The following NDFIP2 variants were observed in gnomAD, a reference collection of about 807,000 sequenced individuals.
The protein encoded by NDFIP2 is Nedd4 family interacting protein 2.
Under a neutral mutation model 36.0 loss-of-function variants are expected in NDFIP2, and 19 were observed. The ratio of observed to expected loss-of-function variants is 0.53; its 90% CI spans 0.37 to 0.77. NDFIP2 has a LOEUF of 0.77. NDFIP2 is among the 30% of genes least tolerant of loss of function. NDFIP2 has a pLI of 0.00. For synonymous variants in NDFIP2, 181 were observed against 167.7 expected (o/e 1.08, Z -0.61); for missense variants, 446 against 435.8 (o/e 1.02, Z -0.21).
At chr13:79,518,878 G>A (rs1475201192) in intron 1 of NDFIP2, 3 of 152,000 alleles carry the variant, frequency 2.0e-5, no homozygotes, top group Non-Finnish European at 2.9e-5. Flanking sequence ...GCGTGGTCAC[G>A]GCTCACTGCA....
intron 1 of NDFIP2, among the ~76,000 whole-genome samples, chr13:79,513,116 C>G (rs1003338111): frequency 2.0e-5 from 3 of 152,094 alleles, no homozygotes; most frequent in African/African-American, 7.2e-5. Flanking sequence ...GTATCCTGCC[C>G]AGGAGGAGAG....
Position 79,556,062 on chromosome 13 carries a change from A to G in NDFIP2, c.*3549A>G, listed in dbSNP as rs905175584. 5.3e-5 allele frequency: 8 copies of G among 152,158 alleles called. No homozygotes were observed. Among genetic ancestry groups the G allele is most frequent in the African/African-American group, 1.9e-4 (8 of 41,448 alleles). The allele number at this position is 152,158 out of a possible 1,614,324, so 9.4% of individuals were successfully genotyped here. Reference sequence around the variant, plus strand: ...GTTTAATTTTAATAAACAAAATATCATCTTTTTGAAAATAATTTATGTTCA... The same window carrying G: ...GTTTAATTTTAATAAACAAAATATCGTCTTTTTGAAAATAATTTATGTTCA... On this transcript the variant is annotated 3_prime_UTR_variant, in exon 8 of 8. Coordinates refer to ENST00000218652, the MANE Select transcript of NDFIP2 (RefSeq NM_019080.3).
chr13:79,544,938 A>T (rs1429332848), intron 5 of NDFIP2, among the ~76,000 whole-genome samples: 2 of 152,134 alleles, frequency 1.3e-5, no homozygotes, highest in African/African-American at 4.8e-5. Context: ...CATCATTAGA[A>T]CTATCCCCTG....
intron 2 of NDFIP2, among the ~76,000 whole-genome samples, chr13:79,528,329 T>G (rs1205674912): frequency 6.6e-6 from 1 of 152,148 alleles, no homozygotes. Context: ...GAAAATATTT[T>G]TGTACACTGT....
intron 1 of NDFIP2, among the ~76,000 whole-genome samples, chr13:79,517,459 C>T (rs1338571756): frequency 6.6e-6 from 1 of 151,296 alleles, no homozygotes; most frequent in Non-Finnish European, 1.5e-5. Context: ...TATTTTAACC[C>T]TCGTGATGGA....
intron 1 of NDFIP2, among the ~76,000 whole-genome samples, chr13:79,511,667 C>T: frequency 6.6e-6 from 1 of 152,216 alleles, no homozygotes; most frequent in South Asian, 2.1e-4. Context: ...CTCTAGGAGG[C>T]CTAGAGGACA....
chr13:79,500,342 G>A (rs1372343301), intron 1 of NDFIP2, among the ~76,000 whole-genome samples: 1 of 151,804 alleles, frequency 6.6e-6, no homozygotes, highest in Non-Finnish European at 1.5e-5. Flanking sequence ...AAAAAAAGAG[G>A]TGATAAGCTA....
At chr13:79,536,501 A>G (rs1875243885) in intron 3 of NDFIP2, among the ~76,000 whole-genome samples, 1 of 152,202 alleles carries the variant, frequency 6.6e-6, no homozygotes, top group South Asian at 2.1e-4. Flanking sequence ...ATTTTAAAAT[A>G]TTTTGATGTC....
At chr13:79,497,824 G>A (rs1217557142) in intron 1 of NDFIP2, among the ~76,000 whole-genome samples, 1 of 151,068 alleles carries the variant, frequency 6.6e-6, no homozygotes, top group African/African-American at 2.4e-5. Flanking sequence ...GTGTGTGTGT[G>A]TGTGTATGTG....
intron 1 of NDFIP2, among the ~76,000 whole-genome samples, chr13:79,505,966 G>T (rs368516165): frequency 1.3e-5 from 2 of 152,130 alleles, no homozygotes; most frequent in Non-Finnish European, 2.9e-5. Flanking sequence ...TTGTAAAGAC[G>T]AAAATGATTA....
intron 1 of NDFIP2, among the ~76,000 whole-genome samples, chr13:79,513,660 G>A (rs1369983923): frequency 1.3e-5 from 2 of 151,914 alleles, no homozygotes; most frequent in Admixed American, 6.6e-5. Context: ...GTGTGAGAAG[G>A]TGTCAACCCA....
rs146884822 is a variant in NDFIP2, at chr13:79,554,857, A to T, written c.*2344A>T. 1.3e-5 allele frequency: 2 copies of T among 152,016 alleles called. No homozygotes were observed. The highest frequency in any genetic ancestry group is 3.9e-4 in the East Asian group (2 of 5,190). 9.4% of individuals were successfully genotyped at this position (152,016 alleles called of 1,614,324 possible). A position where few individuals can be genotyped will look rare whatever the true frequency, so the allele number is the denominator to read the frequency against. On this transcript the variant is annotated 3_prime_UTR_variant, in exon 8 of 8. Transcript: ENST00000218652. ...AGTTAATACAAAAAAATTTCAAATT[A>T]TTTCTATTGTAAATGAATAAGCTAG...
chr13:79,504,393 A>T (rs188225228), intron 1 of NDFIP2, among the ~76,000 whole-genome samples: 1 of 152,260 alleles, frequency 6.6e-6, no homozygotes, highest in East Asian at 1.9e-4. Context: ...AATGACAGAA[A>T]TGATGTTTCT....
intron 1 of NDFIP2, among the ~76,000 whole-genome samples, chr13:79,504,739 T>G (rs59245717): frequency 0.043 from 6,534 of 152,242 alleles, 484 homozygotes; most frequent in African/African-American, 0.15. Flanking sequence ...TTAAAATTCA[T>G]TGGTGGTTCT....
chr13:79,548,976 T>C (rs1875796525), intron 6 of NDFIP2, among the ~76,000 whole-genome samples: 1 of 152,140 alleles, frequency 6.6e-6, no homozygotes, highest in East Asian at 1.9e-4. Flanking sequence ...TGTGAGATAA[T>C]TAAGTTAATC....
chr13:79,529,620 G>A (rs1207576784), intron 2 of NDFIP2, among the ~76,000 whole-genome samples: 3 of 152,056 alleles, frequency 2.0e-5, no homozygotes, highest in Non-Finnish European at 4.4e-5. Flanking sequence ...GTAACATTCA[G>A]TATTATACTG....
intron 1 of NDFIP2, among the ~76,000 whole-genome samples, chr13:79,498,349 T>C (rs1873528482): frequency 6.6e-6 from 1 of 151,982 alleles, no homozygotes; most frequent in Admixed American, 6.6e-5. Context: ...GGATATGGCA[T>C]TATAATGATC....
intron 3 of NDFIP2, among the ~76,000 whole-genome samples, chr13:79,536,442 G>A (rs1383442530): frequency 6.6e-6 from 1 of 152,132 alleles, no homozygotes; most frequent in African/African-American, 2.4e-5. Context: ...TAGCCAATGT[G>A]GGAAAATAGA....
Position 79,481,208 on chromosome 13 carries a change from C to T in NDFIP2, c.5C>T (p.Ala2Val), listed in dbSNP as rs1175810752. The T allele has an allele frequency of 6.6e-7, 1 of 1,505,328 alleles. No individual in the cohort carries two copies. Among genetic ancestry groups the T allele is most frequent in the Admixed American group, 2.2e-5 (1 of 45,476 alleles). The allele number at this position is 1,505,328 out of a possible 1,614,324, so 93.2% of individuals were successfully genotyped here. A position where few individuals can be genotyped will look rare whatever the true frequency, so the allele number is the denominator to read the frequency against. Residue 2 changes from alanine to valine, a missense_variant, in exon 1 of 8, where the codon GCA becomes GTA. This residue lies in a region of NDFIP2 where 369 missense variants were observed against 304.8 expected (regional missense o/e 1.21). Transcript: ENST00000218652. MARRRSQRVCAS... is the reference protein window; with the variant it reads MVRRRSQRVCAS... Reference sequence around the variant, plus strand: ...ACCCTCCCACTGGCGGCGCGGATGGCACGCCGGCGGAGCCAGCGAGTCTGC... The same window carrying T: ...ACCCTCCCACTGGCGGCGCGGATGGTACGCCGGCGGAGCCAGCGAGTCTGC...
Sources: gnomAD v4.1 joint callset for allele counts (sites outside exome capture counted in the v4.1 genomes callset) on GRCh38, gnomAD v4.1.1 for gene constraint, gnomAD v4.1.1 regional missense constraint, MANE v1.5 for transcripts, NCBI Gene and HGNC (gene_info 2026-07-23, HGNC 2026-07-21) for gene names.